Variants in ANO10 observed in about 807,000 individuals in gnomAD.
The protein encoded by ANO10 is anoctamin-10.
A neutral mutation model predicts 74.7 loss-of-function variants in ANO10; 77 were observed. The ratio of observed to expected loss-of-function variants is 1.03; its 90% CI spans 0.86 to 1.25. ANO10 has a LOEUF of 1.25. Among genes scored for constraint, ANO10 ranks in the 50% most tolerant of loss-of-function variants. The pLI, the probability that ANO10 is intolerant of heterozygous loss-of-function variation, is 0.00. For synonymous variants in ANO10, 279 were observed against 284.9 expected, an observed-to-expected ratio of 0.98 and a Z score of 0.21; for missense variants, 721 against 778.1, an observed-to-expected ratio of 0.93 and a Z score of 0.87.
chr3:43,553,351 G>A lies in ANO10; in HGVS notation c.1668+1927C>T, dbSNP rs764088769. On this transcript the variant is annotated intron_variant, in intron 10 of 12. Coordinates refer to ENST00000292246, the MANE Select transcript of ANO10 (RefSeq NM_018075.5). ...TTGAATCTGCAGTTTTGGGTCTCTT[G>A]CCACATTTAAAAAGTTCTTAGCCGT... Among the ~76,000 whole-genome samples the A allele has an allele frequency of 7.9e-5, 12 of 152,060 alleles. 1 individual carries two copies.
intron 12 of ANO10, among the ~76,000 whole-genome samples, chr3:43,417,440 C>G (rs959990620): frequency 6.6e-6 from 1 of 152,158 alleles, no homozygotes; most frequent in Admixed American, 6.5e-5. Context: ...CAGACACTGC[C>G]TCCTCAAGCC....
chr3:43,410,176 G>A (rs2092642586), intron 12 of ANO10, among the ~76,000 whole-genome samples: 1 of 151,948 alleles, frequency 6.6e-6, no homozygotes, highest in Non-Finnish European at 1.5e-5. Flanking sequence ...AAGAGAACAA[G>A]GATTTTGTAC....
intron 11 of ANO10, among the ~76,000 whole-genome samples, chr3:43,458,866 T>G (rs1323473599): frequency 2.6e-5 from 4 of 152,164 alleles, no homozygotes; most frequent in Non-Finnish European, 5.9e-5. Flanking sequence ...TGTCCATGTG[T>G]TCTCATTGTT....
intron 10 of ANO10, among the ~76,000 whole-genome samples, chr3:43,552,778 A>C (rs1373313442): frequency 6.8e-6 from 1 of 146,882 alleles, no homozygotes; most frequent in Non-Finnish European, 1.5e-5. Context: ...ATATGTGTGT[A>C]TTTTATATAT....
At chr3:43,634,816 G>A (rs1413778806) in intron 1 of ANO10, among the ~76,000 whole-genome samples, 1 of 152,170 alleles carries the variant, frequency 6.6e-6, no homozygotes, top group Non-Finnish European at 1.5e-5. Flanking sequence ...GCAATCAGAG[G>A]AGGGATAAAC....
intron 4 of ANO10, among the ~76,000 whole-genome samples, chr3:43,592,116 G>A (rs1166984726): frequency 6.6e-6 from 1 of 152,214 alleles, no homozygotes; most frequent in Non-Finnish European, 1.5e-5. Context: ...GAACTGGGTG[G>A]AGCCGACCAC....
chr3:43,401,928 T>C lies in ANO10; in HGVS notation c.1914+30683A>G, dbSNP rs144042585. Among the ~76,000 whole-genome samples the C allele has an allele frequency of 3.9e-3, 589 of 152,278 alleles. 2 individuals carry two copies. Among genetic ancestry groups the C allele is most frequent in the African/African-American group, 0.014 (565 of 41,564 alleles). On this transcript the variant is annotated intron_variant, in intron 12 of 12. Transcript: ENST00000292246. ...CTGTAGTCACTCAAGGGAGTGGGTG[T>C]CACCCTCTGCATTTTCCTGATGATG...
chr3:43,540,635 T>C (rs182255723), intron 11 of ANO10, among the ~76,000 whole-genome samples: 2 of 152,304 alleles, frequency 1.3e-5, no homozygotes, highest in Admixed American at 1.3e-4. Flanking sequence ...GGGAACAAAA[T>C]GCCTCTTGGT....
intron 1 of ANO10, among the ~76,000 whole-genome samples, chr3:43,640,536 A>G (rs1369049570): frequency 6.6e-6 from 1 of 152,170 alleles, no homozygotes; most frequent in Non-Finnish European, 1.5e-5. Context: ...CATCCCATGC[A>G]CTAAAAAGAT....
At chr3:43,690,042 G>A (rs996643288) in intron 1 of ANO10, 1 of 151,770 alleles carries the variant, frequency 6.6e-6, no homozygotes, top group Non-Finnish European at 1.5e-5. Context: ...TCAATAACTC[G>A]AAGTACCTAA....
chr3:43,507,229 G>T (rs1239638999), intron 11 of ANO10, among the ~76,000 whole-genome samples: 1 of 152,172 alleles, frequency 6.6e-6, no homozygotes, highest in Admixed American at 6.5e-5. Context: ...TCTTTCACTA[G>T]AGTCAGATAC....
chr3:43,671,226 G>A (rs114205839), intron 1 of ANO10, among the ~76,000 whole-genome samples: 3,215 of 152,284 alleles, frequency 0.021, 55 homozygotes, highest in South Asian at 0.092. Context: ...CCCACAGTGT[G>A]TGGATTATAA....
At chr3:43,635,848 C>T (rs548223518) in intron 1 of ANO10, among the ~76,000 whole-genome samples, 2 of 152,138 alleles carry the variant, frequency 1.3e-5, no homozygotes, top group South Asian at 4.2e-4. Flanking sequence ...TCTCGATAGC[C>T]TGACCTCATG....
chr3:43,414,602 C>A lies in ANO10; in HGVS notation c.1914+18009G>T, dbSNP rs192063107. On this transcript the variant is annotated intron_variant, in intron 12 of 12. Transcript: ENST00000292246. Reference sequence around the variant, plus strand: ...TTGGCTAATTAGCCTTTCAAAACGACCTGTTTTTGGTTAAAATACAGTGGG... The same window carrying A: ...TTGGCTAATTAGCCTTTCAAAACGAACTGTTTTTGGTTAAAATACAGTGGG... Among the ~76,000 whole-genome samples, 7 of 152,252 alleles carry A rather than the reference C, an allele frequency of 4.6e-5. No individual in the cohort carries two copies. The East Asian group carries it at 1.2e-3, about 25-fold the overall frequency.
intron 1 of ANO10, among the ~76,000 whole-genome samples, chr3:43,673,803 TG>T (rs2084088816): frequency 6.6e-6 from 1 of 152,160 alleles, no homozygotes; most frequent in South Asian, 2.1e-4. Context: ...TTAAATTTTC[TG>T]GGGCTGGGGA....
chr3:43,463,716 G>A (rs2075489887), intron 11 of ANO10, among the ~76,000 whole-genome samples: 1 of 152,204 alleles, frequency 6.6e-6, no homozygotes, highest in African/African-American at 2.4e-5. Context: ...CCTTGTCTTG[G>A]ATGAGTGGAC....
intron 11 of ANO10, among the ~76,000 whole-genome samples, chr3:43,539,584 T>C (rs1237816687): frequency 6.6e-6 from 1 of 152,122 alleles, no homozygotes; most frequent in Non-Finnish European, 1.5e-5. Context: ...AGGGAGCAGG[T>C]AATTGACAGA....
At chr3:43,691,161 C>T (rs2084370235) in intron 1 of ANO10, 2 of 1,001,658 alleles carry the variant, frequency 2.0e-6, no homozygotes, top group South Asian at 5.4e-5. Context: ...GGGCGGCTTC[C>T]TCGACCCTCC....
chr3:43,635,747 G>A (rs1006939031), intron 1 of ANO10, among the ~76,000 whole-genome samples: 2 of 151,814 alleles, frequency 1.3e-5, no homozygotes, highest in Admixed American at 1.3e-4. Flanking sequence ...AGCCTCCCAA[G>A]TAGCTGGGAC....
Sources: gnomAD v4.1 joint callset for allele counts (sites outside exome capture counted in the v4.1 genomes callset) on GRCh38, gnomAD v4.1.1 for gene constraint, MANE v1.5 for transcripts, NCBI Gene and HGNC (gene_info 2026-07-23, HGNC 2026-07-21) for gene names.